The following PRTFDC1 variants were observed in gnomAD, a reference collection of about 807,000 sequenced individuals.
PRTFDC1 encodes phosphoribosyl transferase domain containing 1.
Under a neutral mutation model 34.6 loss-of-function variants are expected in PRTFDC1, and 38 were observed. That is an observed-to-expected ratio of 1.10 (90% CI 0.85 to 1.44). The LOEUF is 1.44. PRTFDC1 is among the 40% of genes most tolerant of loss of function. The probability of loss-of-function intolerance (pLI) is 0.00; values close to 1 mark genes in which losing one functional copy is unlikely to be tolerated. For synonymous variants in PRTFDC1, 93 were observed against 98.1 expected (o/e 0.95, Z 0.31); for missense variants, 270 against 283.0 (o/e 0.95, Z 0.33).
intron 3 of PRTFDC1, among the ~76,000 whole-genome samples, chr10:24,892,896 G>A (rs1347102271): frequency 1.3e-5 from 2 of 152,108 alleles, no homozygotes; most frequent in African/African-American, 4.8e-5. Flanking sequence ...TTTTAAACCC[G>A]CCACATAAAA....
At chr10:24,855,211 C>A (rs1847551653) in intron 7 of PRTFDC1, 107 bp downstream of exon 7, 1 of 1,116,624 alleles carries the variant, frequency 9.0e-7, no homozygotes, top group Non-Finnish European at 1.3e-6. Flanking sequence ...GTTTCAAATC[C>A]ACATGCAATG....
chr10:24,936,015 C>G lies in PRTFDC1; in HGVS notation c.339+1169G>C, dbSNP rs74323608. On this transcript the variant is annotated intron_variant, in intron 3 of 8. Transcript: ENST00000320152. Reference sequence around the variant, plus strand: ...ACACCATGCTCAGATTTCTGACCTACAGAAACTTTAAGATAATACACGTGT... The same window carrying G: ...ACACCATGCTCAGATTTCTGACCTAGAGAAACTTTAAGATAATACACGTGT... Among the ~76,000 whole-genome samples the G allele has an allele frequency of 9.2e-5, 14 of 152,292 alleles. No individual in the cohort carries two copies. The East Asian group carries it at 2.7e-3, about 29-fold the overall frequency.
intron 1 of PRTFDC1, among the ~76,000 whole-genome samples, chr10:24,951,120 T>A (rs1849335564): frequency 6.6e-6 from 1 of 152,052 alleles, no homozygotes; most frequent in Non-Finnish European, 1.5e-5. Context: ...GGTATGCGGG[T>A]CTCTGCCTGC....
intron 3 of PRTFDC1, among the ~76,000 whole-genome samples, chr10:24,933,082 C>T (rs958611652): frequency 5.3e-5 from 8 of 151,920 alleles, no homozygotes; most frequent in African/African-American, 1.9e-4. Context: ...AAAGGAATCG[C>T]AATCCATACC....
chr10:24,937,974 C>T (rs572924078), intron 2 of PRTFDC1, among the ~76,000 whole-genome samples: 6 of 152,046 alleles, frequency 3.9e-5, no homozygotes, highest in African/African-American at 9.6e-5. Context: ...CCTGTAATCC[C>T]AGCACTTTAA....
At chr10:24,950,898 A>G (rs1849332271) in intron 1 of PRTFDC1, among the ~76,000 whole-genome samples, 1 of 152,088 alleles carries the variant, frequency 6.6e-6, no homozygotes, top group African/African-American at 2.4e-5. Flanking sequence ...CAGAATTCCA[A>G]ATGTGAATTT....
chr10:24,877,398 T>G (rs1276550660), intron 3 of PRTFDC1, among the ~76,000 whole-genome samples: 2 of 152,196 alleles, frequency 1.3e-5, no homozygotes, highest in Non-Finnish European at 2.9e-5. Flanking sequence ...GTTTGTGTGT[T>G]TTTAATGAAC....
chr10:24,911,734 G>T (rs1222010079), intron 3 of PRTFDC1, among the ~76,000 whole-genome samples: 1 of 151,990 alleles, frequency 6.6e-6, no homozygotes, highest in Non-Finnish European at 1.5e-5. Context: ...GGGTATGGTG[G>T]CACATGCTTG....
intron 3 of PRTFDC1, among the ~76,000 whole-genome samples, chr10:24,918,350 T>TATC (rs1848729167): frequency 6.8e-6 from 1 of 147,374 alleles, no homozygotes; most frequent in Non-Finnish European, 1.5e-5. Context: ...CATATCATAT[T>TATC]ATATATATCC....
chr10:24,921,997 A>T (rs930299651), intron 3 of PRTFDC1, among the ~76,000 whole-genome samples: 1 of 152,148 alleles, frequency 6.6e-6, no homozygotes, highest in Non-Finnish European at 1.5e-5. Flanking sequence ...CAAAGGCATT[A>T]TTTTTCCATA....
intron 1 of PRTFDC1, among the ~76,000 whole-genome samples, chr10:24,949,534 C>T (rs1368252983): frequency 1.3e-5 from 2 of 152,152 alleles, no homozygotes; most frequent in African/African-American, 4.8e-5. Context: ...CTTCGATTCG[C>T]TCTGAAGTTG....
At chr10:24,927,921 A>G (rs1848906229) in intron 3 of PRTFDC1, among the ~76,000 whole-genome samples, 1 of 152,144 alleles carries the variant, frequency 6.6e-6, no homozygotes, top group Non-Finnish European at 1.5e-5. Context: ...AGTAAAGACA[A>G]TGTTTTCTGT....
intron 3 of PRTFDC1, among the ~76,000 whole-genome samples, chr10:24,882,002 T>C (rs1848086367): frequency 6.6e-6 from 1 of 151,340 alleles, no homozygotes; most frequent in Non-Finnish European, 1.5e-5. Flanking sequence ...AGGTCAGGAG[T>C]TCGAGACCAG....
At chr10:24,865,268 A>G (rs563385356) in intron 4 of PRTFDC1, among the ~76,000 whole-genome samples, 23 of 152,052 alleles carry the variant, frequency 1.5e-4, no homozygotes, top group Middle Eastern at 3.4e-3. Context: ...CATCCCCTCC[A>G]TTTTTCCTTA....
chr10:24,873,275 C>T (rs1344858816), intron 3 of PRTFDC1, among the ~76,000 whole-genome samples: 11 of 152,086 alleles, frequency 7.2e-5, no homozygotes, highest in Non-Finnish European at 1.3e-4. Flanking sequence ...ACATAGTGAC[C>T]ATCATGATAG....
intron 3 of PRTFDC1, among the ~76,000 whole-genome samples, chr10:24,918,961 A>G (rs1313332861): frequency 6.6e-6 from 1 of 152,166 alleles, no homozygotes; most frequent in African/African-American, 2.4e-5. Flanking sequence ...TCTTAGCCCC[A>G]TTCTCGGCCA....
At chr10:24,926,995 TATTTA>T (rs1217741169) in intron 3 of PRTFDC1, among the ~76,000 whole-genome samples, 1 of 152,244 alleles carries the variant, frequency 6.6e-6, no homozygotes, top group Admixed American at 6.5e-5. Context: ...AATGCATGGA[TATTTA>T]TAAAATAAAA....
At chr10:24,867,854 A>C (rs1156891096) in intron 4 of PRTFDC1, 1 of 149,174 alleles carries the variant, frequency 6.7e-6, no homozygotes, top group South Asian at 2.1e-4. Flanking sequence ...CCCAGGCTAG[A>C]GTGCAGTGGC....
chr10:24,863,773 G>A (rs1588576553), intron 4 of PRTFDC1, among the ~76,000 whole-genome samples: 1 of 151,946 alleles, frequency 6.6e-6, no homozygotes, highest in Non-Finnish European at 1.5e-5. Flanking sequence ...AACTTTGAGG[G>A]GCCCAAGGTT....
Sources: allele counts gnomAD v4.1 joint callset (sites outside exome capture counted in the v4.1 genomes callset), GRCh38; gene constraint gnomAD v4.1.1; transcripts MANE v1.5; gene names NCBI Gene and HGNC (gene_info 2026-07-23, HGNC 2026-07-21).